Variants in DMD observed in about 807,000 individuals in gnomAD.
DMD encodes the protein dystrophin.
DMD carries 63 observed loss-of-function variants against 330.1 expected under a neutral mutation model. That is an observed-to-expected ratio of 0.19 (90% CI 0.16 to 0.24). The LOEUF is 0.24. Ranked by LOEUF, DMD falls within the 10% of genes least tolerant of loss-of-function variation. DMD has a pLI of 1.00. For missense variants in DMD, 3,344 were observed against 2,684.1 expected (o/e 1.25, Z -5.43); for synonymous variants, 1,223 against 959.8 (o/e 1.27, Z -5.07).
At chrX:31,991,550 G>C (rs2095550708) in intron 44 of DMD, among the ~76,000 whole-genome samples, 1 of 110,292 alleles carries the variant, frequency 9.1e-6, no homozygotes, top group Non-Finnish European at 1.9e-5. Context: ...CGGTCATACG[G>C]AGATATCCAC....
chrX:32,551,736 T>A (rs960816639), intron 16 of DMD, among the ~76,000 whole-genome samples: 1 of 111,437 alleles, frequency 9.0e-6, no homozygotes, highest in Non-Finnish European at 1.9e-5. Flanking sequence ...TTGGCCATAG[T>A]CTCTGCCCAA....
chrX:31,214,400 T>C (rs2045106755), intron 64 of DMD, among the ~76,000 whole-genome samples: 1 of 112,496 alleles, frequency 8.9e-6, no homozygotes, highest in Admixed American at 9.4e-5. Flanking sequence ...GGATTACTCC[T>C]TCCTTGTGCC....
intron 55 of DMD, among the ~76,000 whole-genome samples, chrX:31,572,197 A>G (rs1300339057): frequency 1.8e-5 from 2 of 112,622 alleles, no homozygotes; most frequent in African/African-American, 3.2e-5. Context: ...GTGATTTCAC[A>G]TATAACAAAT....
intron 34 of DMD, among the ~76,000 whole-genome samples, chrX:32,374,903 G>A (rs1425826376): frequency 8.9e-6 from 1 of 111,838 alleles, no homozygotes; most frequent in Non-Finnish European, 1.9e-5. Flanking sequence ...TCGAGAAACA[G>A]AGAAAGGGAT....
chrX:32,650,206 T>A (rs2060056567), intron 9 of DMD, among the ~76,000 whole-genome samples: 1 of 112,120 alleles, frequency 8.9e-6, no homozygotes, highest in South Asian at 3.7e-4. Flanking sequence ...TTTATATCAC[T>A]GATAAAATGG....
intron 1 of DMD, among the ~76,000 whole-genome samples, chrX:33,290,177 A>C (rs1409345213): frequency 2.7e-5 from 3 of 111,588 alleles, no homozygotes; most frequent in African/African-American, 9.8e-5. Context: ...AGATTCTACC[A>C]CTAAAAAGTG....
intron 1 of DMD, among the ~76,000 whole-genome samples, chrX:33,044,384 A>G (rs764918003): frequency 1.8e-5 from 2 of 111,584 alleles, no homozygotes; most frequent in South Asian, 7.6e-4. Context: ...GTGAGCTGAG[A>G]TCGCACCACT....
At chrX:32,252,391 C>G (rs1379163844) in intron 43 of DMD, among the ~76,000 whole-genome samples, 1 of 108,163 alleles carries the variant, frequency 9.2e-6, no homozygotes, top group Non-Finnish European at 1.9e-5. Flanking sequence ...AATATACACT[C>G]ATGTATATGA....
At chrX:31,249,405 C>G (rs1199818679) in intron 63 of DMD, among the ~76,000 whole-genome samples, 2 of 110,918 alleles carry the variant, frequency 1.8e-5, no homozygotes, top group Non-Finnish European at 3.8e-5. Context: ...CCACTTCTGG[C>G]TTTTTTAAAT....
intron 63 of DMD, among the ~76,000 whole-genome samples, chrX:31,240,971 A>C (rs2048211395): frequency 9.0e-6 from 1 of 111,202 alleles, no homozygotes; most frequent in South Asian, 3.8e-4. Flanking sequence ...TAAAGGGAAC[A>C]GTAATAGTAC....
At chrX:33,308,375 T>C (rs58585670) in intron 1 of DMD, among the ~76,000 whole-genome samples, 198 of 112,541 alleles carry the variant, frequency 1.8e-3, no homozygotes, top group African/African-American at 6.1e-3. Context: ...TCGAAATAAA[T>C]AATTCTTCCT....
intron 43 of DMD, among the ~76,000 whole-genome samples, chrX:32,236,458 A>T (rs1385335566): frequency 8.9e-6 from 1 of 111,992 alleles, no homozygotes; most frequent in African/African-American, 3.2e-5. Context: ...TATCTCACTT[A>T]GTACGATATG....
chrX:32,966,509 T>A (rs765660318), intron 2 of DMD, among the ~76,000 whole-genome samples: 6 of 111,890 alleles, frequency 5.4e-5, no homozygotes, highest in Admixed American at 9.6e-5. Context: ...CAAGTCACTC[T>A]TTGGGGTCCA....
At chrX:32,558,994 C>T (rs963438955) in intron 16 of DMD, among the ~76,000 whole-genome samples, 2 of 87,629 alleles carry the variant, frequency 2.3e-5, no homozygotes, top group Non-Finnish European at 4.2e-5. Flanking sequence ...TCTGTCATCC[C>T]GGCTGGAGTG....
At chrX:32,039,340 C>G (rs770007466) in intron 44 of DMD, among the ~76,000 whole-genome samples, 2 of 111,475 alleles carry the variant, frequency 1.8e-5, no homozygotes, top group East Asian at 5.7e-4. Context: ...AACAAAAAAT[C>G]AATTATTTGC....
intron 48 of DMD, among the ~76,000 whole-genome samples, chrX:31,838,416 C>G (rs6631418): frequency 0.11 from 11,825 of 111,148 alleles, 582 homozygotes; most frequent in South Asian, 0.2. Flanking sequence ...ATTACCAGGC[C>G]AAATATACAT....
chrX:32,521,373 C>T (rs2046404722), intron 17 of DMD, among the ~76,000 whole-genome samples: 1 of 111,681 alleles, frequency 9.0e-6, no homozygotes, highest in Non-Finnish European at 1.9e-5. Context: ...CATGATGCCA[C>T]TCTATTCTAA....
chrX:31,399,110 A>C (rs1172559290), intron 60 of DMD, among the ~76,000 whole-genome samples: 1 of 110,721 alleles, frequency 9.0e-6, no homozygotes, highest in Non-Finnish European at 1.9e-5. Context: ...AGCCTTTTTC[A>C]CCCACACGCA....
At chrX:32,988,437 C>A (rs1293882308) in intron 2 of DMD, among the ~76,000 whole-genome samples, 1 of 111,826 alleles carries the variant, frequency 8.9e-6, no homozygotes, top group African/African-American at 3.2e-5. Context: ...GGAAAAACGA[C>A]CGTGTATGAC....
Sources: allele counts gnomAD v4.1 joint callset (sites outside exome capture counted in the v4.1 genomes callset), GRCh38; gene constraint gnomAD v4.1.1; transcripts MANE v1.5; gene names NCBI Gene and HGNC (gene_info 2026-07-23, HGNC 2026-07-21).